Variants in PMS2 observed in about 807,000 individuals in gnomAD.
PMS2 encodes mismatch repair endonuclease PMS2.
Under a neutral mutation model 90.0 loss-of-function variants are expected in PMS2, and 69 were observed. The observed-to-expected ratio is 0.77, with a 90% CI of 0.63 to 0.94. The LOEUF is 0.94. Among genes scored for constraint, PMS2 ranks in the 40% least tolerant of loss-of-function variants. The pLI, the probability that PMS2 is intolerant of heterozygous loss-of-function variation, is 0.00. For synonymous variants in PMS2, 332 were observed against 375.1 expected (o/e 0.89, Z 1.33); for missense variants, 966 against 1,040.2 (o/e 0.93, Z 0.98).
At chr7:5,998,238 C>T (rs929045602) in intron 6 of PMS2, among the ~76,000 whole-genome samples, 22 of 151,252 alleles carry the variant, frequency 1.5e-4, no homozygotes, top group Non-Finnish European at 1.0e-4. Context: ...CCTGCCACCA[C>T]GAACAGATAA....
At chr7:5,976,035 TCAACACCAGCCTGAC>T (rs1463879222) in intron 14 of PMS2, among the ~76,000 whole-genome samples, 1 of 144,476 alleles carries the variant, frequency 6.9e-6, no homozygotes, top group African/African-American at 2.5e-5. Context: ...GGTCAGGAGA[TCAACACCAGCCTGAC>T]CAACATGGTG....
At chr7:5,990,724 AG>A (rs1172766125) in intron 9 of PMS2, among the ~76,000 whole-genome samples, 2 of 152,128 alleles carry the variant, frequency 1.3e-5, no homozygotes, top group Non-Finnish European at 2.9e-5. Context: ...GAATAATTAA[AG>A]ATGTAGGCTG....
At chr7:6,008,882 C>A (rs1786220649) in intron 1 of PMS2, 115 bp downstream of exon 1, 1 of 1,311,826 alleles carries the variant, frequency 7.6e-7, no homozygotes, top group South Asian at 1.2e-5. Context: ...CTCCAGGGGG[C>A]TGCCTCGCCA....
chr7:5,990,132 C>A (rs754473341), intron 9 of PMS2, among the ~76,000 whole-genome samples, 177 bp from the exon 10 acceptor site: 1 of 152,172 alleles, frequency 6.6e-6, no homozygotes, highest in African/African-American at 2.4e-5. Flanking sequence ...CCTCAGCCTC[C>A]GAAGTAGCTA....
rs1419419514 is a variant in PMS2, at chr7:6,004,193, T to C, written c.164-135A>G. On this transcript the variant is annotated intron_variant, in intron 2 of 14. Transcript: ENST00000265849. ...TTAGTTAAACATACTAGTGTCATTT[T>C]GTATATTTCATTGTTATAAAGTCCT... 4.7e-6 allele frequency: 3 copies of C among 631,614 alleles called. No homozygotes were observed. In the African/African-American group the frequency reaches 5.6e-5, roughly 12 times the overall value. 39.1% of individuals were successfully genotyped at this position (631,614 alleles called of 1,614,324 possible). A position where few individuals can be genotyped will look rare whatever the true frequency, so the allele number is the denominator to read the frequency against.
At chr7:5,990,599 C>G (rs1281141639) in intron 9 of PMS2, among the ~76,000 whole-genome samples, 1 of 152,002 alleles carries the variant, frequency 6.6e-6, no homozygotes. Flanking sequence ...ATTATAATAC[C>G]TAGTACATTA....
intron 10 of PMS2, among the ~76,000 whole-genome samples, 192 bp from the exon 11 acceptor site, chr7:5,987,812 T>C (rs1211375103): frequency 6.6e-6 from 1 of 152,056 alleles, no homozygotes; most frequent in African/African-American, 2.4e-5. Context: ...CCCAGCACTT[T>C]AGGAGGCCAA....
rs770931289 is a variant in PMS2 at position 5,989,924 on chromosome 7, T to C, written c.1020A>G (p.Lys340=). Reference sequence around the variant, plus strand: ...TTTCCTCTTGTAGCAAAATTTGCCTTTTATCTGGAGTAACATTGATATCAA... The same window carrying C: ...TTTCCTCTTGTAGCAAAATTTGCCTCTTATCTGGAGTAACATTGATATCAA... ...ECVDINVTPD[K]RQILLQEEKL... Residue 340 remains lysine, a synonymous_variant, in exon 10 of 15, where the codon AAA becomes AAG. Coordinates refer to ENST00000265849, the MANE Select transcript of PMS2 (RefSeq NM_000535.7). 6.2e-7 allele frequency: 1 copy of C among 1,611,030 alleles called. No individual in the cohort carries two copies. Among genetic ancestry groups the C allele is most frequent in the Non-Finnish European group, 8.5e-7 (1 of 1,177,796 alleles).
chr7:6,002,383 C>T (rs1437974941), intron 5 of PMS2, 70 bp downstream of exon 5: 22 of 963,868 alleles, frequency 2.3e-5, no homozygotes, highest in Admixed American at 2.1e-4. Flanking sequence ...GAAGAATAAA[C>T]ATCTTTAGTA....
intron 1 of PMS2, among the ~76,000 whole-genome samples, chr7:6,008,555 G>C (rs7803118): frequency 0.23 from 34,334 of 151,834 alleles, 4,250 homozygotes; most frequent in African/African-American, 0.32. Context: ...TTCGAGACCA[G>C]CCTGGGCAAC....
Position 5,977,739 on chromosome 7 carries a change from G to C in PMS2, c.2294C>G (p.Ala765Gly), listed in dbSNP as rs1295232723. 2 of 1,606,306 alleles carry C rather than the reference G, an allele frequency of 1.2e-6. No homozygotes were observed. Among genetic ancestry groups the C allele is most frequent in the Admixed American group, 1.7e-5 (1 of 59,852 alleles). ...IDENAPVTER[A>G]KLISLPTSKN... is the part of the protein sequence containing the mutation. ...ACTAGTTGGCAAGGAAATCAGTTTA[G>C]CCCTTTCAGTGACTGGAGCTAAAAG... Residue 765 changes from alanine (A) to glycine (G), a missense_variant, in exon 14 of 15, where the codon GCT becomes GGT. This residue lies in a region of PMS2 where 95 missense variants were observed against 237.8 expected (regional missense o/e 0.40). Transcript: ENST00000265849.
rs767414243 is a variant in PMS2, at chr7:6,002,516, G to A, written c.474C>T (p.Ser158=). 5.0e-6 allele frequency: 8 copies of A among 1,611,262 alleles called. No individual in the cohort carries two copies. The Admixed American group carries it at 8.3e-5, about 17-fold the overall frequency. Reference sequence around the variant, plus strand: ...GTAGTGTGGAAAATAACTGCTGCACGCTGACTGTGGTCCCTCTGGGGCGGG... The same window carrying A: ...GTAGTGTGGAAAATAACTGCTGCACACTGACTGTGGTCCCTCTGGGGCGGG... The part of the protein sequence containing the change: ...PYPRPRGTTV[S]VQQLFSTLPV... Residue 158 remains serine, a synonymous_variant, in exon 5 of 15, where the codon AGC becomes AGT. Coordinates refer to ENST00000265849, the MANE Select transcript of PMS2 (RefSeq NM_000535.7).
chr7:5,981,012 T>C (rs1782226541), intron 12 of PMS2, among the ~76,000 whole-genome samples: 1 of 151,664 alleles, frequency 6.6e-6, no homozygotes, highest in Non-Finnish European at 1.5e-5. Context: ...TGGGATCTAC[T>C]TGTTGGGATC....
intron 13 of PMS2, 79 bp downstream of exon 13, chr7:5,978,517 C>T (rs1219461971): frequency 7.7e-6 from 10 of 1,304,934 alleles, no homozygotes; most frequent in South Asian, 6.1e-5. Context: ...GCGATCTGCC[C>T]GCCTTGGCCT....
At chr7:5,994,585 A>G (rs1784163671) in intron 8 of PMS2, among the ~76,000 whole-genome samples, 1 of 151,776 alleles carries the variant, frequency 6.6e-6, no homozygotes, top group Admixed American at 6.6e-5. Flanking sequence ...CATCCTGGCT[A>G]ACAAGGTGAA....
At chr7:5,983,551 A>G (rs1175769907) in intron 11 of PMS2, among the ~76,000 whole-genome samples, 2 of 151,896 alleles carry the variant, frequency 1.3e-5, no homozygotes, top group African/African-American at 4.9e-5. Context: ...TTTAATTTTA[A>G]AAAACAAAAA....
Position 5,986,965 on chromosome 7 carries a change from C to G in PMS2, c.1800G>C (p.Met600Ile). 6.2e-7 allele frequency: 1 copy of G among 1,614,006 alleles called. No individual in the cohort carries two copies. Among genetic ancestry groups the G allele is most frequent in the South Asian group, 1.1e-5 (1 of 91,082 alleles). ...ICQKLVNTQD[M>I]SASQVDVAVK... ...CAGCTACATCAACCTGAGAGGCTGACATGTCCTGAGTATTTACTAACTTTT... is the reference window on the plus strand; with the variant it reads ...CAGCTACATCAACCTGAGAGGCTGAGATGTCCTGAGTATTTACTAACTTTT... Residue 600 changes from methionine to isoleucine, a missense_variant, in exon 11 of 15, where the codon ATG becomes ATC. Coordinates refer to ENST00000265849, the MANE Select transcript of PMS2 (RefSeq NM_000535.7).
Position 5,992,134 on chromosome 7 carries a change from C to G in PMS2, c.904-77G>C, listed in dbSNP as rs1401929004. The G allele has an allele frequency of 5.0e-6, 4 of 803,244 alleles. No homozygotes were observed. In the East Asian group the frequency reaches 1.0e-4, roughly 20 times the overall value. 49.8% of individuals were successfully genotyped at this position (803,244 alleles called of 1,614,324 possible). Reference sequence around the variant, plus strand: ...CCCCGCATTCTAACAACATTCTATTCTAACCAACCAGCATGTTCTTAGAAG... The same window carrying G: ...CCCCGCATTCTAACAACATTCTATTGTAACCAACCAGCATGTTCTTAGAAG... On this transcript the variant is annotated intron_variant, in intron 8 of 14. Coordinates refer to ENST00000265849, the MANE Select transcript of PMS2 (RefSeq NM_000535.7).
intron 10 of PMS2, 48 bp downstream of exon 10, chr7:5,989,752 C>G (rs1783502245): frequency 7.0e-7 from 1 of 1,437,492 alleles, no homozygotes; most frequent in Non-Finnish European, 9.7e-7. Flanking sequence ...TAAGGAAACA[C>G]ATTAGCTAAA....
Sources: gnomAD v4.1 joint callset for allele counts (sites outside exome capture counted in the v4.1 genomes callset) on GRCh38, gnomAD v4.1.1 for gene constraint, gnomAD v4.1.1 regional missense constraint, MANE v1.5 for transcripts, NCBI Gene and HGNC (gene_info 2026-07-23, HGNC 2026-07-21) for gene names.